The following HSPA14 variants were observed in gnomAD, a reference collection of about 807,000 sequenced individuals.
HSPA14 encodes the protein heat shock protein family A (Hsp70) member 14.
A neutral mutation model predicts 65.5 loss-of-function variants in HSPA14; 37 were observed. The ratio of observed to expected loss-of-function variants is 0.56; its 90% confidence interval spans 0.43 to 0.74. The LOEUF is 0.74. Among genes scored for constraint, HSPA14 ranks in the 30% least tolerant of loss-of-function variants. HSPA14 has a pLI of 0.00. For missense variants in HSPA14, 564 were observed against 607.6 expected (o/e 0.93, Z 0.75); for synonymous variants, 203 against 214.2 (o/e 0.95, Z 0.46).
In HSPA14 at chr10:14,838,378, C is replaced by T. The variant is rs777488530; in HGVS notation, c.-25C>T. ...TTGCTGTTGGGGGACCCCCTCATTCCTGCCGCTGCCGTCCCTGCTGCCTCA... is the reference window on the plus strand; with the variant it reads ...TTGCTGTTGGGGGACCCCCTCATTCTTGCCGCTGCCGTCCCTGCTGCCTCA... On this transcript the variant is annotated 5_prime_UTR_variant, in exon 1 of 14. Transcript: ENST00000378372. 28 of 1,590,276 alleles carry T rather than the reference C, an allele frequency of 1.8e-5. No individual in the cohort carries two copies. The South Asian group carries it at 1.8e-4, about 10-fold the overall frequency.
chr10:14,844,466 A>G, intron 3 of HSPA14: 1 of 991,278 alleles, frequency 1.0e-6, no homozygotes, highest in Non-Finnish European at 1.2e-6. Context: ...AATTTTTAAA[A>G]TCCCTGTGTG....
At chr10:14,857,750 C>G (rs1409473210) in intron 10 of HSPA14, among the ~76,000 whole-genome samples, 3 of 152,150 alleles carry the variant, frequency 2.0e-5, no homozygotes, top group Admixed American at 6.5e-5. Flanking sequence ...ACTCTGTTTC[C>G]TCCAGCTGCT....
At chr10:14,869,837 C>G (rs186235931) in intron 12 of HSPA14, among the ~76,000 whole-genome samples, 1 of 152,170 alleles carries the variant, frequency 6.6e-6, no homozygotes, top group Non-Finnish European at 1.5e-5. Context: ...TCTTCACATC[C>G]TCTCTGAGAC....
At position 14,842,960 on chromosome 10, in the gene HSPA14, C is replaced by G; in HGVS notation, c.221+2803C>G. The G allele has an allele frequency of 3.7e-6, 3 of 813,476 alleles. No homozygotes were observed. The highest frequency in any genetic ancestry group is 2.7e-5 in the East Asian group (1 of 37,432). 50.4% of individuals were successfully genotyped at this position (813,476 alleles called of 1,614,324 possible). ...GCATAGTTCCTGTTTCTGCCTCATT[C>G]TGCCCCACGCACCTTTTCAAAAACC... On this transcript the variant is annotated intron_variant, in intron 3 of 13. Coordinates refer to ENST00000378372, the MANE Select transcript of HSPA14 (RefSeq NM_016299.4). The surrounding 1 kb of genome is among the most constrained non-coding windows in gnomAD (Gnocchi z 5.2).
intron 3 of HSPA14, chr10:14,844,890 A>G (rs943001510): frequency 4.1e-5 from 40 of 985,200 alleles, no homozygotes; most frequent in Middle Eastern, 5.2e-4. Context: ...TTTTTTGTCT[A>G]GTATGTTATA....
intron 8 of HSPA14, 145 bp from the exon 9 acceptor site, chr10:14,853,980 A>G: frequency 1.5e-6 from 1 of 645,176 alleles, no homozygotes; most frequent in South Asian, 2.6e-5. Context: ...TCAGCCTCCC[A>G]AAGTTGGGAT....
At chr10:14,864,317 T>G (rs976859162) in intron 10 of HSPA14, among the ~76,000 whole-genome samples, 1 of 143,524 alleles carries the variant, frequency 7.0e-6, no homozygotes, top group Non-Finnish European at 1.5e-5. Context: ...CACCACTTAC[T>G]TTTTTTTTTA....
At chr10:14,865,476 A>G (rs1407624517) in intron 10 of HSPA14, among the ~76,000 whole-genome samples, 1 of 152,100 alleles carries the variant, frequency 6.6e-6, no homozygotes, top group Non-Finnish European at 1.5e-5. Context: ...TAAGTCTTTA[A>G]TCCATCTTGA....
intron 11 of HSPA14, 36 bp downstream of exon 11, chr10:14,867,331 T>C (rs745926762): frequency 1.6e-5 from 23 of 1,403,508 alleles, no homozygotes; most frequent in Middle Eastern, 3.7e-4. Context: ...TAAGGTATGT[T>C]TAGCTTTTCT....
chr10:14,850,032 A>AG lies in HSPA14; in HGVS notation c.467+221_467+222insG, dbSNP rs1564322135. ...GTAATCCCAACACTTTGGGACACTG[A>AG]CGGGGGGGCGGCGGGTGGACCACCT... On this transcript the variant is annotated intron_variant, in intron 6 of 13. Transcript: ENST00000378372. Among the ~76,000 whole-genome samples, 793 of 151,786 alleles carry AG rather than the reference A, an allele frequency of 5.2e-3. 5 individuals carry two copies. The highest frequency in any genetic ancestry group is 0.018 in the African/African-American group (754 of 41,286).
chr10:14,847,347 C>T (rs1480753346), intron 3 of HSPA14, among the ~76,000 whole-genome samples: 3 of 152,138 alleles, frequency 2.0e-5, no homozygotes, highest in Admixed American at 6.5e-5. Context: ...GTGCAAAACC[C>T]GCTATGAGCA....
intron 3 of HSPA14, chr10:14,845,686 C>T (rs540724664): frequency 1.6e-4 from 42 of 263,310 alleles, no homozygotes; most frequent in Admixed American, 5.2e-4. Flanking sequence ...CTCAGCCTCC[C>T]GAGTAGCCGG....
rs1398482390 is a variant in HSPA14 at position 14,840,056 on chromosome 10, ATAT to A, written c.139-14_139-12del. 1 of 1,196,572 alleles carries A rather than the reference ATAT, an allele frequency of 8.4e-7. No individual in the cohort carries two copies. The highest frequency in any genetic ancestry group is 2.2e-5 in the African/African-American group (1 of 44,652). The allele number at this position is 1,196,572 out of a possible 1,614,324, so 74.1% of individuals were successfully genotyped here. On this transcript the variant is annotated splice_polypyrimidine_tract_variant and intron_variant, in intron 2 of 13. Coordinates refer to ENST00000378372, the MANE Select transcript of HSPA14 (RefSeq NM_016299.4). ...CATACATTGTAATATATATATATAT[ATAT>A]TATTTTTTTTTTCAGATTGTTGGAT...
intron 1 of HSPA14, among the ~76,000 whole-genome samples, chr10:14,838,740 G>A (rs1458192819): frequency 2.6e-5 from 4 of 152,156 alleles, no homozygotes; most frequent in Admixed American, 1.3e-4. Context: ...TCCCAGGGAC[G>A]ACGTAGCTGC....
chr10:14,838,858 G>C (rs1026584105), intron 1 of HSPA14, among the ~76,000 whole-genome samples: 1 of 152,134 alleles, frequency 6.6e-6, no homozygotes, highest in African/African-American at 2.4e-5. Context: ...GGACGTCCTG[G>C]CCTCTGGATG....
At chr10:14,856,675 A>C (rs1273031616) in intron 10 of HSPA14, among the ~76,000 whole-genome samples, 1 of 152,122 alleles carries the variant, frequency 6.6e-6, no homozygotes, top group Non-Finnish European at 1.5e-5. Flanking sequence ...TAGCCTTGGC[A>C]ACATAGTGAG....
chr10:14,840,100 G>T lies in HSPA14; in HGVS notation c.164G>T (p.Ser55Ile). The T allele has an allele frequency of 6.9e-7, 1 of 1,455,762 alleles. No homozygotes were observed. Among genetic ancestry groups the T allele is most frequent in the Non-Finnish European group, 9.2e-7 (1 of 1,089,404 alleles). 90.2% of individuals were successfully genotyped at this position (1,455,762 alleles called of 1,614,324 possible). The change falls in exon 3 of 14, where the codon AGT (serine) becomes ATT (isoleucine). Residue 55 changes from serine to isoleucine, a missense_variant. Physicochemically the swap from Ser to Ile is moderately radical, Grantham distance 142. Coordinates refer to ENST00000378372, the MANE Select transcript of HSPA14 (RefSeq NM_016299.4). ...EEIVGLAAKQ[S>I]RIRNISNTVM... ...ATTGTTGGATTGGCAGCAAAACAAAGTAGAATAAGAAATATTTCAAATACA... is the reference window on the plus strand; with the variant it reads ...ATTGTTGGATTGGCAGCAAAACAAATTAGAATAAGAAATATTTCAAATACA...
At chr10:14,863,594 C>G (rs117045700) in intron 10 of HSPA14, among the ~76,000 whole-genome samples, 1 of 152,306 alleles carries the variant, frequency 6.6e-6, no homozygotes, top group East Asian at 1.9e-4. Flanking sequence ...CTCCCTTCTT[C>G]TTGTGTCCAC....
rs1430381340 is a variant in HSPA14 at position 14,854,292 on chromosome 10, G to A, written c.890+12G>A. On this transcript the variant is annotated intron_variant, in intron 9 of 13. Transcript: ENST00000378372. ...TGCAATGTGTCCAGGTAAAACTGAA[G>A]TTCAAAAAACTTTTTTAAAAAATTC... is the stretch of plus-strand genomic sequence containing the variant. The A allele has an allele frequency of 1.2e-5, 19 of 1,559,992 alleles. No individual in the cohort carries two copies. Among genetic ancestry groups the A allele is most frequent in the Non-Finnish European group, 1.6e-5 (19 of 1,155,516 alleles).
Sources: allele counts gnomAD v4.1 joint callset (sites outside exome capture counted in the v4.1 genomes callset), GRCh38; gene constraint gnomAD v4.1.1; non-coding constraint Gnocchi (gnomAD v3.1); transcripts MANE v1.5; gene names NCBI Gene and HGNC (gene_info 2026-07-23, HGNC 2026-07-21).